The following PLAT variants were observed in gnomAD, a reference collection of about 807,000 sequenced individuals.
PLAT encodes the protein tissue-type plasminogen activator.
PLAT carries 48 observed loss-of-function variants against 74.9 expected under a neutral mutation model. That is an observed-to-expected ratio of 0.64 (90% CI 0.51 to 0.82). The LOEUF (loss-of-function observed/expected upper bound fraction) is 0.82. Ranked by LOEUF, PLAT falls within the 40% of genes least tolerant of loss-of-function variation. PLAT has a pLI of 0.00. For synonymous variants in PLAT, 307 were observed against 294.4 expected (o/e 1.04, Z -0.44); for missense variants, 673 against 736.2 (o/e 0.91, Z 0.99).
chr8:42,177,046 C>A (rs1450445333), intron 13 of PLAT, among the ~76,000 whole-genome samples: 1 of 152,110 alleles, frequency 6.6e-6, no homozygotes, highest in Non-Finnish European at 1.5e-5. Context: ...GTGGCGCAAT[C>A]TCAGCTCACT....
rs1255710200 is a variant in PLAT at position 42,185,155 on chromosome 8, G to A, written c.557C>T (p.Ser186Leu). The A allele has an allele frequency of 1.9e-6, 3 of 1,611,986 alleles. No homozygotes were observed. The highest frequency in any genetic ancestry group is 1.1e-5 in the South Asian group (1 of 90,860). Residue 186 changes from serine (S) to leucine (L), a missense_variant, in exon 7 of 14, where the codon TCA (serine) becomes TTA (leucine). Ser to Leu is a moderately radical substitution (Grantham distance 145). Coordinates refer to ENST00000220809, the MANE Select transcript of PLAT (RefSeq NM_000930.5). The stretch of plus-strand genomic sequence containing the variant: ...CTTAAAGACGTAGCACCAGGGCTTT[G>A]AGTCTCGATCTGGGTTTCTGAAAAA... ...HNYCRNPDRD[S>L]KPWCYVFKAG... is the part of the protein sequence containing the mutation.
At chr8:42,190,334 G>A (rs745895893) in intron 3 of PLAT, among the ~76,000 whole-genome samples, 12 of 152,022 alleles carry the variant, frequency 7.9e-5, no homozygotes, top group Non-Finnish European at 1.3e-4. Flanking sequence ...ATGCATTTTT[G>A]GCCCCAAAGA....
chr8:42,196,623 A>G (rs1040186615), intron 1 of PLAT, among the ~76,000 whole-genome samples: 1 of 152,216 alleles, frequency 6.6e-6, no homozygotes, highest in African/African-American at 2.4e-5. Flanking sequence ...AGCCAGAACA[A>G]TGGACTCAGA....
chr8:42,191,811 C>T (rs1434129621), intron 2 of PLAT, among the ~76,000 whole-genome samples: 2 of 152,000 alleles, frequency 1.3e-5, no homozygotes, highest in Admixed American at 1.3e-4. Context: ...GCTGTCTACT[C>T]CACGCAGTCA....
Position 42,180,371 on chromosome 8 carries a change from G to T in PLAT, c.1093C>A (p.Pro365Thr), listed in dbSNP as rs547017710. Reference protein sequence around the residue: ...AAHCFQERFPPHHLTVILGRT... With the variant: ...AAHCFQERFPTHHLTVILGRT... ...CCCAAGATCACCGTCAGGTGGTGGG[G>T]CGGAAACCTGGTGGAGAAACAGCCT... The change falls in exon 11 of 14, where the codon CCC (proline) becomes ACC (threonine). Residue 365 changes from proline (P) to threonine (T), a missense_variant. By Grantham distance (38) the Pro-to-Thr change is conservative. Coordinates refer to ENST00000220809, the MANE Select transcript of PLAT (RefSeq NM_000930.5). The T allele has an allele frequency of 2.2e-5, 35 of 1,614,224 alleles. No individual in the cohort carries two copies. In the South Asian group the frequency reaches 3.8e-4, roughly 18 times the overall value.
At position 42,174,735 on chromosome 8, in the gene PLAT, C is replaced by T. The variant is rs1473309249; in HGVS notation, c.*1258G>A. ...GTTGCCTACAGAAGTCAATTAAGTCCAAACTCAGTTTGGTGTTCAGAGCCC... is the reference window on the plus strand; with the variant it reads ...GTTGCCTACAGAAGTCAATTAAGTCTAAACTCAGTTTGGTGTTCAGAGCCC... On this transcript the variant is annotated 3_prime_UTR_variant, in exon 14 of 14. Coordinates refer to ENST00000220809, the MANE Select transcript of PLAT (RefSeq NM_000930.5). Among the ~76,000 whole-genome samples, 1 of 152,098 alleles carries T rather than the reference C, an allele frequency of 6.6e-6. No individual in the cohort carries two copies. The highest frequency in any genetic ancestry group is 1.5e-5 in the Non-Finnish European group (1 of 68,030).
Position 42,180,175 on chromosome 8 carries a change from T to C in PLAT, c.1222+67A>G, listed in dbSNP as rs192891893. On this transcript the variant is annotated intron_variant, in intron 11 of 13. Coordinates refer to ENST00000220809, the MANE Select transcript of PLAT (RefSeq NM_000930.5). ...AGGAGGAGGCCCGTGTGTGTAAACA[T>C]AGGTGAGTGCATGTGGGTGTGTTGT... is the stretch of plus-strand genomic sequence containing the variant. 4.5e-5 allele frequency: 72 copies of C among 1,602,100 alleles called. No homozygotes were observed. The African/African-American group carries it at 6.9e-4, about 15-fold the overall frequency.
intron 1 of PLAT, among the ~76,000 whole-genome samples, chr8:42,194,575 T>C (rs1297188037): frequency 3.3e-5 from 5 of 152,208 alleles, no homozygotes. Flanking sequence ...TCTGGCTTGG[T>C]TTCCTGGAAG....
intron 1 of PLAT, among the ~76,000 whole-genome samples, chr8:42,200,151 C>T (rs2129810691): frequency 6.6e-6 from 1 of 152,208 alleles, no homozygotes; most frequent in East Asian, 1.9e-4. Context: ...TCTACCTTTC[C>T]AGGCACAGAG....
intron 3 of PLAT, among the ~76,000 whole-genome samples, chr8:42,190,792 A>C (rs998645078): frequency 4.6e-5 from 7 of 152,234 alleles, no homozygotes; most frequent in African/African-American, 1.7e-4. Flanking sequence ...TCTAGAGTCA[A>C]CTCTAGATGT....
intron 1 of PLAT, among the ~76,000 whole-genome samples, chr8:42,201,879 A>C (rs955029114): frequency 1.3e-5 from 2 of 152,164 alleles, no homozygotes; most frequent in Non-Finnish European, 2.9e-5. Context: ...CCAGAAAAAA[A>C]CCCTTCGCTT....
At chr8:42,203,283 C>T (rs1371420271) in intron 1 of PLAT, among the ~76,000 whole-genome samples, 1 of 152,178 alleles carries the variant, frequency 6.6e-6, no homozygotes, top group Non-Finnish European at 1.5e-5. Context: ...CCTAAGCCAC[C>T]AGTGCGTGTG....
intron 13 of PLAT, among the ~76,000 whole-genome samples, chr8:42,177,871 A>G (rs1401305114): frequency 6.6e-6 from 1 of 152,182 alleles, no homozygotes; most frequent in Non-Finnish European, 1.5e-5. Flanking sequence ...CAAAGCCCAC[A>G]CATCCTTCAG....
chr8:42,179,160 C>G, intron 12 of PLAT, 97 bp from the exon 13 acceptor site: 1 of 780,376 alleles, frequency 1.3e-6, no homozygotes, highest in Non-Finnish European at 2.2e-6. Flanking sequence ...TAACATTGAT[C>G]AAGATTCAAC....
chr8:42,194,040 T>TTAC (rs1351621967), intron 1 of PLAT, among the ~76,000 whole-genome samples: 1 of 112,078 alleles, frequency 8.9e-6, no homozygotes, highest in East Asian at 2.4e-4. Context: ...TCCTTTCTTC[T>TTAC]TTCTTCTTTC....
At position 42,177,285 on chromosome 8, in the gene PLAT, TA is replaced by T. The variant is rs145867784; in HGVS notation, c.1531-1135del. Among the ~76,000 whole-genome samples the T allele has an allele frequency of 7.2e-4, 110 of 152,358 alleles. 2 individuals are homozygous for T. In the East Asian group the frequency reaches 0.019, roughly 26 times the overall value. On this transcript the variant is annotated intron_variant, in intron 13 of 13. Coordinates refer to ENST00000220809, the MANE Select transcript of PLAT (RefSeq NM_000930.5). ...CTTGTTTATATCAATTAGCTGGTGG[TA>T]AAATTGGTTTTGTTATACGTCATTT... is the stretch of plus-strand genomic sequence containing the variant.
At position 42,188,928 on chromosome 8, in the gene PLAT, A is replaced by G; in HGVS notation, c.253+6T>C. On this transcript the variant is annotated splice_donor_region_variant and intron_variant, in intron 4 of 13. Coordinates refer to ENST00000220809, the MANE Select transcript of PLAT (RefSeq NM_000930.5). ...GCATGCACCACCTCCCAGCCTCAGT[A>G]CATACTTTTGACAGGCACTGAGTGG... 2.5e-6 allele frequency: 4 copies of G among 1,611,850 alleles called. No individual in the cohort carries two copies. The highest frequency in any genetic ancestry group is 1.1e-5 in the South Asian group (1 of 91,034).
intron 1 of PLAT, among the ~76,000 whole-genome samples, chr8:42,196,132 C>G (rs1374303498): frequency 6.6e-6 from 1 of 152,196 alleles, no homozygotes; most frequent in Non-Finnish European, 1.5e-5. Flanking sequence ...TGGGAACATC[C>G]CCCTTTCTGG....
At chr8:42,181,466 T>C (rs1376879969) in intron 9 of PLAT, among the ~76,000 whole-genome samples, 1 of 152,196 alleles carries the variant, frequency 6.6e-6, no homozygotes, top group Non-Finnish European at 1.5e-5. Flanking sequence ...GCCCTAGCTT[T>C]ACCTCCCGGT....
Sources: allele counts gnomAD v4.1 joint callset (sites outside exome capture counted in the v4.1 genomes callset), GRCh38; gene constraint gnomAD v4.1.1; transcripts MANE v1.5; gene names NCBI Gene and HGNC (gene_info 2026-07-23, HGNC 2026-07-21).